SORCS3: variants seen among roughly 807,000 people sequenced by gnomAD.
SORCS3 encodes VPS10 domain-containing receptor SorCS3.
A neutral mutation model predicts 146.3 loss-of-function variants in SORCS3; 57 were observed. The observed-to-expected ratio is 0.39, with a 90% CI of 0.31 to 0.49. The LOEUF (loss-of-function observed/expected upper bound fraction) is 0.49. Ranked by LOEUF, SORCS3 falls within the 20% of genes least tolerant of loss-of-function variation. The pLI, the probability that SORCS3 is intolerant of heterozygous loss-of-function variation, is 0.92. For missense variants in SORCS3, 1,341 were observed against 1,575.5 expected, an observed-to-expected ratio of 0.85 and a Z score of 2.52; for synonymous variants, 653 against 618.5, an observed-to-expected ratio of 1.06 and a Z score of -0.83.
intron 7 of SORCS3, among the ~76,000 whole-genome samples, chr10:105,107,841 A>C (rs1361472542): frequency 3.3e-5 from 5 of 152,218 alleles, no homozygotes; most frequent in Admixed American, 6.5e-5. Context: ...TTTAGAGTCC[A>C]AAACCTGGCA....
chr10:105,001,462 TG>T (rs1217439415), intron 4 of SORCS3, among the ~76,000 whole-genome samples: 8 of 152,244 alleles, frequency 5.3e-5, no homozygotes, highest in Non-Finnish European at 1.2e-4. Context: ...GCAGGGATTG[TG>T]TTGTCCTGTA....
intron 8 of SORCS3, among the ~76,000 whole-genome samples, chr10:105,143,162 T>G (rs1370080702): frequency 2.0e-5 from 3 of 152,186 alleles, no homozygotes; most frequent in Non-Finnish European, 4.4e-5. Context: ...AATAGATGCC[T>G]CTACATCTTT....
At chr10:105,184,274 T>G (rs919287930) in intron 14 of SORCS3, among the ~76,000 whole-genome samples, 1 of 152,376 alleles carries the variant, frequency 6.6e-6, no homozygotes, top group African/African-American at 2.4e-5. Flanking sequence ...TGGGCATCTG[T>G]GTGTTCCAAT....
chr10:104,669,328 C>G (rs1050298690), intron 1 of SORCS3, among the ~76,000 whole-genome samples: 6 of 152,200 alleles, frequency 3.9e-5, no homozygotes, highest in Admixed American at 6.5e-5. Flanking sequence ...GTACCAGCGT[C>G]ACCGCCATTC....
At chr10:104,854,839 T>C (rs2018312508) in intron 2 of SORCS3, among the ~76,000 whole-genome samples, 1 of 152,220 alleles carries the variant, frequency 6.6e-6, no homozygotes. Context: ...TTTCTCACTT[T>C]TCTTCATTTA....
intron 7 of SORCS3, among the ~76,000 whole-genome samples, chr10:105,123,492 G>A (rs552468116): frequency 6.6e-6 from 1 of 152,144 alleles, no homozygotes; most frequent in South Asian, 2.1e-4. Context: ...ACATCTACTT[G>A]GGGTATAATA....
intron 4 of SORCS3, among the ~76,000 whole-genome samples, chr10:104,998,220 G>A (rs957850504): frequency 5.3e-5 from 8 of 152,176 alleles, no homozygotes; most frequent in African/African-American, 1.7e-4. Flanking sequence ...ATTGGACTTG[G>A]ATTCTAAAGG....
intron 4 of SORCS3, among the ~76,000 whole-genome samples, chr10:105,022,051 G>A (rs1438585719): frequency 2.0e-5 from 3 of 152,038 alleles, no homozygotes; most frequent in Non-Finnish European, 4.4e-5. Flanking sequence ...GGGGAAAGAG[G>A]GATAAATAGG....
At position 104,741,134 on chromosome 10, in the gene SORCS3, ATTTTTT is replaced by A. The variant is rs34447542; in HGVS notation, c.627+99197_627+99202del. Among the ~76,000 whole-genome samples, 362 of 104,902 alleles carry A rather than the reference ATTTTTT, an allele frequency of 3.5e-3. 2 individuals carry two copies. Among genetic ancestry groups the A allele is most frequent in the African/African-American group, 9.3e-3 (251 of 26,932 alleles). The allele number at this position is 104,902 out of a possible 152,430, so 68.8% of individuals were successfully genotyped here. A position where few individuals can be genotyped will look rare whatever the true frequency, so the allele number is the denominator to read the frequency against. On this transcript the variant is annotated intron_variant, in intron 1 of 26. Transcript: ENST00000369701. ...ATTCCACTACACCTGGATAATTTAA[ATTTTTT>A]TTTTTTTTTTTTTTTTGCCAGGGTC...
intron 1 of SORCS3, among the ~76,000 whole-genome samples, chr10:104,686,623 C>G (rs1198335077): frequency 6.6e-6 from 1 of 152,028 alleles, no homozygotes; most frequent in East Asian, 1.9e-4. Flanking sequence ...TCTTCTCTCT[C>G]CCCCATTTTT....
At chr10:105,173,501 A>C (rs1294910189) in intron 13 of SORCS3, among the ~76,000 whole-genome samples, 1 of 151,968 alleles carries the variant, frequency 6.6e-6, no homozygotes, top group Non-Finnish European at 1.5e-5. Flanking sequence ...AAATAACCTA[A>C]ATATTTCCAT....
chr10:104,796,772 A>T (rs1279630100), intron 1 of SORCS3, among the ~76,000 whole-genome samples: 2 of 152,242 alleles, frequency 1.3e-5, no homozygotes, highest in African/African-American at 4.8e-5. Context: ...TTCAAGAGGC[A>T]GGTTCCTGGG....
At chr10:105,000,347 T>A (rs186148399) in intron 4 of SORCS3, among the ~76,000 whole-genome samples, 1 of 152,150 alleles carries the variant, frequency 6.6e-6, no homozygotes, top group Non-Finnish European at 1.5e-5. Context: ...TGTGTGTGTG[T>A]GTGTGTGTGT....
intron 2 of SORCS3, among the ~76,000 whole-genome samples, chr10:104,865,476 G>A (rs1054281597): frequency 6.6e-6 from 1 of 152,172 alleles, no homozygotes; most frequent in Non-Finnish European, 1.5e-5. Flanking sequence ...ATTCTGAGAA[G>A]GGAAATGACT....
intron 1 of SORCS3, among the ~76,000 whole-genome samples, chr10:104,671,324 C>CTT (rs1564655720): frequency 5.7e-5 from 1 of 17,530 alleles, no homozygotes; most frequent in Non-Finnish European, 1.4e-4. Context: ...TCATTCTTTT[C>CTT]CTTTTTTTTT....
At position 104,641,894 on chromosome 10, in the gene SORCS3, G is replaced by T. The variant is rs570344961; in HGVS notation, c.567G>T (p.Ala189=). ...TCCGGCTGCCCAGCACCTCCTTCGC[G>T]CTGACCGGGGACTCGGCCCACAACC... ...EDLRLPSTSF[A]LTGDSAHNQA... The change falls in exon 1 of 27, where the codon GCG becomes GCT. Residue 189 remains alanine, a synonymous_variant. Coordinates refer to ENST00000369701, the MANE Select transcript of SORCS3 (RefSeq NM_014978.3). The surrounding 1 kb of genome is among the most constrained non-coding windows in gnomAD (Gnocchi z 6.4). 2 of 1,595,536 alleles carry T rather than the reference G, an allele frequency of 1.3e-6. No individual in the cohort carries two copies. The highest frequency in any genetic ancestry group is 1.3e-5 in the African/African-American group (1 of 74,778).
chr10:105,214,371 C>CACACAA (rs67993649), intron 17 of SORCS3, 71 bp from the exon 18 acceptor site: 1 of 1,542,422 alleles, frequency 6.5e-7, no homozygotes, highest in Non-Finnish European at 8.9e-7. Flanking sequence ...TTATAACACA[C>CACACAA]ACACACACAC....
chr10:105,116,514 C>T (rs1015577632), intron 7 of SORCS3, among the ~76,000 whole-genome samples: 99 of 152,236 alleles, frequency 6.5e-4, no homozygotes, highest in African/African-American at 2.1e-3. Flanking sequence ...TACCATTCGA[C>T]CCAGCAATGC....
chr10:105,153,037 TA>T (rs2056178687), intron 9 of SORCS3, among the ~76,000 whole-genome samples: 1 of 152,182 alleles, frequency 6.6e-6, no homozygotes, highest in Non-Finnish European at 1.5e-5. Context: ...TTCTGGTGTG[TA>T]AATTGTGCAC....
Sources: allele counts gnomAD v4.1 joint callset (sites outside exome capture counted in the v4.1 genomes callset), GRCh38; gene constraint gnomAD v4.1.1; non-coding constraint Gnocchi (gnomAD v3.1); transcripts MANE v1.5; gene names NCBI Gene and HGNC (gene_info 2026-07-23, HGNC 2026-07-21).